ZNF892: variants seen among roughly 807,000 people sequenced by gnomAD.
The protein encoded by ZNF892 is zinc finger protein 570-like.
the ZNF892 span, chr2:95,231,941 A>G: frequency 7.2e-5 from 11 of 152,204 alleles, no homozygotes; most frequent in South Asian, 2.1e-4. Context: ...TGAGCAGACT[A>G]TGACTCATAC....
At chr2:95,255,942 C>G in the ZNF892 span, among the ~76,000 whole-genome samples, 6 of 152,168 alleles carry the variant, frequency 3.9e-5, no homozygotes, top group Non-Finnish European at 8.8e-5. Context: ...GTAGCTCTTC[C>G]TCCATCCCTT....
chr2:95,231,519 G>T, the ZNF892 span, among the ~76,000 whole-genome samples: 2 of 152,178 alleles, frequency 1.3e-5, no homozygotes, highest in Non-Finnish European at 2.9e-5. Flanking sequence ...CATATGCAAT[G>T]TATATAAAAT....
the ZNF892 span, among the ~76,000 whole-genome samples, chr2:95,254,994 G>A: frequency 6.4e-4 from 97 of 152,006 alleles, no homozygotes; most frequent in South Asian, 0.015. Context: ...TCTTGCTAGC[G>A]GTCTATCAAT....
chr2:95,222,313 T>C, the ZNF892 span, among the ~76,000 whole-genome samples: 1 of 152,252 alleles, frequency 6.6e-6, no homozygotes. Flanking sequence ...CATTAGGTTT[T>C]TGTATGAACA....
At chr2:95,224,982 C>G in the ZNF892 span, among the ~76,000 whole-genome samples, 1 of 152,196 alleles carries the variant, frequency 6.6e-6, no homozygotes, top group African/African-American at 2.4e-5. Flanking sequence ...CAGATACTAG[C>G]TCCTTGATTT....
the ZNF892 span, among the ~76,000 whole-genome samples, chr2:95,226,622 T>G: frequency 6.6e-6 from 1 of 152,182 alleles, no homozygotes; most frequent in South Asian, 2.1e-4. Flanking sequence ...TAAATAAATT[T>G]ATTTCTTGAA....
chr2:95,213,516 T>C, the ZNF892 span, among the ~76,000 whole-genome samples: 7 of 152,156 alleles, frequency 4.6e-5, no homozygotes, highest in African/African-American at 1.4e-4. Flanking sequence ...TCTTGAGAGG[T>C]TGGGGACTCA....
At chr2:95,215,878 G>A in the ZNF892 span, among the ~76,000 whole-genome samples, 1 of 152,254 alleles carries the variant, frequency 6.6e-6, no homozygotes, top group South Asian at 2.1e-4. Flanking sequence ...AGAGAAATGG[G>A]GTGTGCCATG....
At chr2:95,219,344 T>A in the ZNF892 span, among the ~76,000 whole-genome samples, 5 of 152,144 alleles carry the variant, frequency 3.3e-5, no homozygotes, top group Non-Finnish European at 7.4e-5. Context: ...TCACTAGATC[T>A]TCCCTCTGTC....
chr2:95,208,545 C>T, the ZNF892 span: 2 of 397,546 alleles, frequency 5.0e-6, no homozygotes, highest in African/African-American at 2.1e-5. Context: ...GTTTGGTTCC[C>T]AGTGTTGACT....
chr2:95,254,707 G>A, the ZNF892 span, among the ~76,000 whole-genome samples: 2 of 152,092 alleles, frequency 1.3e-5, no homozygotes, highest in African/African-American at 4.8e-5. Context: ...AATCCATCTG[G>A]TCCTGGACTT....
the ZNF892 span, among the ~76,000 whole-genome samples, chr2:95,230,925 T>C: frequency 1.6e-3 from 249 of 152,372 alleles, no homozygotes; most frequent in South Asian, 2.5e-3. Flanking sequence ...TTAGCACTTA[T>C]GTTGCTGCTT....
the ZNF892 span, among the ~76,000 whole-genome samples, chr2:95,261,528 C>T: frequency 2.6e-5 from 4 of 152,308 alleles, no homozygotes; most frequent in South Asian, 8.3e-4. Context: ...CTCCTGACCT[C>T]AGGTGATTTG....
the ZNF892 span, among the ~76,000 whole-genome samples, chr2:95,257,488 G>T: frequency 6.6e-6 from 1 of 152,162 alleles, no homozygotes; most frequent in Non-Finnish European, 1.5e-5. Context: ...CTACTGGGGG[G>T]TGACTCCCAG....
chr2:95,217,185 C>T, the ZNF892 span, among the ~76,000 whole-genome samples: 5 of 152,148 alleles, frequency 3.3e-5, no homozygotes. Context: ...ATAGCTCCCT[C>T]TTCTTATCAG....
chr2:95,250,195 CTA>C, the ZNF892 span, among the ~76,000 whole-genome samples: 1 of 152,028 alleles, frequency 6.6e-6, no homozygotes, highest in South Asian at 2.1e-4. Flanking sequence ...GTCAAGCAAT[CTA>C]TTTTTATTGT....
At chr2:95,256,946 G>T in the ZNF892 span, among the ~76,000 whole-genome samples, 1 of 152,142 alleles carries the variant, frequency 6.6e-6, no homozygotes, top group Non-Finnish European at 1.5e-5. Context: ...GGACTTCTCT[G>T]CATTGGTTAT....
chr2:95,250,829 A>G, the ZNF892 span, among the ~76,000 whole-genome samples: 5 of 146,368 alleles, frequency 3.4e-5, no homozygotes, highest in Non-Finnish European at 4.5e-5. Flanking sequence ...ATAAATATTC[A>G]CAGTTATTTA....
the ZNF892 span, among the ~76,000 whole-genome samples, chr2:95,229,675 C>T: frequency 1.9e-4 from 29 of 152,260 alleles, no homozygotes; most frequent in East Asian, 5.6e-3. Context: ...TAGGAATATA[C>T]TACAGTTTGT....
Sources: gnomAD v4.1 joint callset for allele counts (sites outside exome capture counted in the v4.1 genomes callset) on GRCh38, gnomAD v4.1.1 for gene constraint, MANE v1.5 for transcripts, NCBI Gene and HGNC (gene_info 2026-07-23, HGNC 2026-07-21) for gene names.